Variants in ZC3H12B observed in about 807,000 individuals in gnomAD.
The protein encoded by ZC3H12B is zinc finger CCCH-type containing 12B, also known as probable ribonuclease ZC3H12B.
Under a neutral mutation model 43.9 loss-of-function variants are expected in ZC3H12B, and 7 were observed. The ratio of observed to expected loss-of-function variants is 0.16; its 90% confidence interval spans 0.09 to 0.30. The LOEUF (loss-of-function observed/expected upper bound fraction) is 0.30. ZC3H12B is among the 10% of genes least tolerant of loss of function. The pLI, the probability that ZC3H12B is intolerant of heterozygous loss-of-function variation, is 1.00. For missense variants in ZC3H12B, 475 were observed against 670.2 expected (o/e 0.71, Z 3.22); for synonymous variants, 222 against 241.7 (o/e 0.92, Z 0.76).
chrX:65,229,901 A>G, the ZC3H12B span, among the ~76,000 whole-genome samples: 1 of 110,761 alleles, frequency 9.0e-6, no homozygotes, highest in East Asian at 2.8e-4. Context: ...GCTGGAGAGG[A>G]TGTGGAGAAA....
At chrX:65,117,863 G>T in the ZC3H12B span, among the ~76,000 whole-genome samples, 2 of 111,571 alleles carry the variant, frequency 1.8e-5, no homozygotes. Flanking sequence ...TCAAAGATCA[G>T]ATGGTTCTAG....
chrX:65,107,212 G>A, the ZC3H12B span, among the ~76,000 whole-genome samples: 34 of 111,577 alleles, frequency 3.0e-4, no homozygotes, highest in African/African-American at 1.0e-3. Context: ...AGTGCTACTA[G>A]AACTTTTTAA....
At chrX:65,159,704 G>A in the ZC3H12B span, among the ~76,000 whole-genome samples, 1 of 111,788 alleles carries the variant, frequency 8.9e-6, no homozygotes, top group East Asian at 2.8e-4. Context: ...CATGTCATCT[G>A]CAAAAAGGGA....
exon 5 of ZC3H12B, chrX:65,502,635 A>C: frequency 1.7e-6 from 2 of 1,209,424 alleles, no homozygotes. Flanking sequence ...GGCCCAGAGG[A>C]TTCTAAGCAA....
chrX:65,130,369 T>A, the ZC3H12B span, among the ~76,000 whole-genome samples: 1 of 111,366 alleles, frequency 9.0e-6, no homozygotes, highest in African/African-American at 3.3e-5. Flanking sequence ...ATGACTGTGG[T>A]GACCTTTTTA....
At chrX:65,047,838 C>G in the ZC3H12B span, among the ~76,000 whole-genome samples, 2 of 110,184 alleles carry the variant, frequency 1.8e-5, no homozygotes, top group Non-Finnish European at 3.8e-5. Context: ...CTCTGCCAGT[C>G]TCTATCTTTT....
chrX:65,317,871 A>G, the ZC3H12B span, among the ~76,000 whole-genome samples: 2 of 102,895 alleles, frequency 1.9e-5, no homozygotes, highest in African/African-American at 7.0e-5. Context: ...ATATATATAC[A>G]TATATATACA....
At chrX:65,294,152 A>T in the ZC3H12B span, among the ~76,000 whole-genome samples, 1 of 111,893 alleles carries the variant, frequency 8.9e-6, no homozygotes, top group African/African-American at 3.2e-5. Context: ...TGAACAGCAG[A>T]TTTCTCAGCA....
chrX:65,490,628 A>G, intron 1 of ZC3H12B, among the ~76,000 whole-genome samples: 1 of 111,409 alleles, frequency 9.0e-6, no homozygotes. Context: ...AATTTATTCC[A>G]TACTCTCTCA....
At chrX:65,127,663 TCTCAG>T in the ZC3H12B span, among the ~76,000 whole-genome samples, 1 of 110,946 alleles carries the variant, frequency 9.0e-6, no homozygotes, top group Non-Finnish European at 1.9e-5. Flanking sequence ...GATAGGTATG[TCTCAG>T]CTCAGCCTCT....
the ZC3H12B span, among the ~76,000 whole-genome samples, chrX:65,308,993 G>T: frequency 8.9e-6 from 1 of 111,740 alleles, no homozygotes; most frequent in Non-Finnish European, 1.9e-5. Context: ...AAAGCAGTGT[G>T]TAGAGGGAAA....
chrX:65,365,174 G>A (rs1375734551), upstream of ZC3H12B, among the ~76,000 whole-genome samples: 7 of 110,749 alleles, frequency 6.3e-5, no homozygotes, highest in Non-Finnish European at 9.5e-5. Flanking sequence ...ACTGACTAAT[G>A]GTCTTTTAAA....
rs767189508 is a variant in ZC3H12B, at chrX:65,412,485, A to G, written n.407+13781A>G. Among the ~76,000 whole-genome samples, 65 of 111,314 alleles carry G rather than the reference A, an allele frequency of 5.8e-4. No individual in the cohort carries two copies. In the South Asian group the frequency reaches 7.7e-3, roughly 13 times the overall value. ...TTTCAAGTTTTTTTTGGAACAGGGC[A>G]CAGGGTTTCACTCGCCCTGTTCCCC... On this transcript the variant is annotated intron_variant and non_coding_transcript_variant, in intron 3 of 5. Coordinates refer to the ZC3H12B transcript ENST00000617377.
the ZC3H12B span, among the ~76,000 whole-genome samples, chrX:65,206,313 G>GCACAT: frequency 2.7e-5 from 3 of 111,718 alleles, no homozygotes; most frequent in Non-Finnish European, 5.7e-5. Flanking sequence ...ATAAAAATAG[G>GCACAT]CACATAAAAC....
the ZC3H12B span, among the ~76,000 whole-genome samples, chrX:65,108,465 C>T: frequency 9.2e-6 from 1 of 108,808 alleles, no homozygotes; most frequent in African/African-American, 3.3e-5. Context: ...CACACATTAG[C>T]GTAGGCCAAC....
At chrX:65,172,779 TC>T in the ZC3H12B span, among the ~76,000 whole-genome samples, 3 of 111,936 alleles carry the variant, frequency 2.7e-5, no homozygotes, top group African/African-American at 9.7e-5. Context: ...GTTCCATTGT[TC>T]TATATAATTG....
the ZC3H12B span, among the ~76,000 whole-genome samples, chrX:65,309,736 A>G: frequency 8.9e-6 from 1 of 111,937 alleles, no homozygotes; most frequent in South Asian, 3.7e-4. Context: ...TTGATGTGAA[A>G]GTGAAAATCC....
chrX:65,197,245 A>G, the ZC3H12B span, among the ~76,000 whole-genome samples: 2 of 112,033 alleles, frequency 1.8e-5, no homozygotes, highest in Non-Finnish European at 1.9e-5. Flanking sequence ...AAAAAATGGC[A>G]CAGGAAAAAA....
chrX:65,159,603 C>T, the ZC3H12B span, among the ~76,000 whole-genome samples: 2 of 111,938 alleles, frequency 1.8e-5, no homozygotes, highest in East Asian at 5.6e-4. Flanking sequence ...GATATATGTA[C>T]ATTGATTTTG....
Sources: gnomAD v4.1 joint callset for allele counts (sites outside exome capture counted in the v4.1 genomes callset) on GRCh38, gnomAD v4.1.1 for gene constraint, MANE v1.5 for transcripts, NCBI Gene and HGNC (gene_info 2026-07-23, HGNC 2026-07-21) for gene names.